Variants in EXOC4 observed in about 807,000 individuals in gnomAD.
The protein encoded by EXOC4 is SEC8-like 1.
Under a neutral mutation model 107.2 loss-of-function variants are expected in EXOC4, and 71 were observed. The ratio of observed to expected loss-of-function variants is 0.66; its 90% CI spans 0.55 to 0.81. EXOC4 has a LOEUF of 0.81. EXOC4 is among the 30% of genes least tolerant of loss of function. The pLI, the probability that EXOC4 is intolerant of heterozygous loss-of-function variation, is 0.00. For synonymous variants in EXOC4, 456 were observed against 441.2 expected (o/e 1.03, Z -0.42); for missense variants, 1,108 against 1,189.6 (o/e 0.93, Z 1.01).
At position 133,895,526 on chromosome 7, in the gene EXOC4, T is replaced by G; in HGVS notation, c.1735-73T>G. On this transcript the variant is annotated intron_variant, in intron 11 of 17. Coordinates refer to ENST00000253861, the MANE Select transcript of EXOC4 (RefSeq NM_021807.4). Reference sequence around the variant, plus strand: ...TCAGGTACCTTAAATTATGACATACTTGGAGTTGTCCTTCCTTGTCCAACA... The same window carrying G: ...TCAGGTACCTTAAATTATGACATACGTGGAGTTGTCCTTCCTTGTCCAACA... 4.2e-6 allele frequency: 6 copies of G among 1,445,354 alleles called. No individual in the cohort carries two copies. In the South Asian group the frequency reaches 7.4e-5, roughly 18 times the overall value. The allele number at this position is 1,445,354 out of a possible 1,614,324, so 89.5% of individuals were successfully genotyped here.
intron 7 of EXOC4, among the ~76,000 whole-genome samples, chr7:133,383,272 A>C (rs1669257667): frequency 6.6e-6 from 1 of 152,152 alleles, no homozygotes; most frequent in Non-Finnish European, 1.5e-5. Context: ...AAAAAATCTA[A>C]ATTTTTTTCA....
intron 9 of EXOC4, among the ~76,000 whole-genome samples, chr7:133,529,204 T>C (rs778171149): frequency 2.0e-5 from 3 of 152,194 alleles, no homozygotes; most frequent in Admixed American, 6.5e-5. Context: ...CCTTTCTCCT[T>C]CTTCTTTGCC....
At chr7:133,337,384 G>A (rs760562881) in intron 5 of EXOC4, among the ~76,000 whole-genome samples, 5 of 151,946 alleles carry the variant, frequency 3.3e-5, no homozygotes, top group Non-Finnish European at 5.9e-5. Flanking sequence ...TTTGTGTTTG[G>A]TACTGTTCAA....
chr7:133,635,505 C>T (rs539005525), intron 10 of EXOC4, among the ~76,000 whole-genome samples: 8 of 152,282 alleles, frequency 5.3e-5, no homozygotes, highest in African/African-American at 1.9e-4. Context: ...AATCTAAATG[C>T]TTGCACCTAA....
chr7:133,268,983 C>T (rs1408042221), intron 1 of EXOC4, among the ~76,000 whole-genome samples: 1 of 152,068 alleles, frequency 6.6e-6, no homozygotes, highest in East Asian at 1.9e-4. Context: ...TTATGTTCCT[C>T]CATGAACTTG....
intron 14 of EXOC4, among the ~76,000 whole-genome samples, chr7:133,991,940 C>T (rs1031943141): frequency 2.0e-5 from 3 of 152,076 alleles, no homozygotes; most frequent in Non-Finnish European, 2.9e-5. Flanking sequence ...TATTCTGGGT[C>T]GTTTGTGATT....
intron 9 of EXOC4, among the ~76,000 whole-genome samples, chr7:133,503,452 A>C (rs1174800047): frequency 1.3e-5 from 2 of 152,078 alleles, no homozygotes; most frequent in Non-Finnish European, 2.9e-5. Context: ...CCTACTATGG[A>C]TTCTCAGCTT....
At chr7:133,255,084 T>G (rs775621855) in intron 1 of EXOC4, among the ~76,000 whole-genome samples, 1 of 152,092 alleles carries the variant, frequency 6.6e-6, no homozygotes, top group Non-Finnish European at 1.5e-5. Context: ...TTATGCCAGT[T>G]TATTAATATA....
At chr7:133,277,909 G>A (rs931708328) in intron 2 of EXOC4, among the ~76,000 whole-genome samples, 1 of 152,130 alleles carries the variant, frequency 6.6e-6, no homozygotes, top group Admixed American at 6.5e-5. Context: ...GATTATATAT[G>A]AAATATAGGT....
At chr7:133,879,884 A>G (rs1156894198) in intron 11 of EXOC4, among the ~76,000 whole-genome samples, 1 of 152,324 alleles carries the variant, frequency 6.6e-6, no homozygotes, top group East Asian at 1.9e-4. Flanking sequence ...GCTTCTGTCC[A>G]GCTGCAGAAA....
At chr7:133,663,796 A>G (rs1032154900) in intron 10 of EXOC4, among the ~76,000 whole-genome samples, 12 of 152,166 alleles carry the variant, frequency 7.9e-5, no homozygotes, top group Non-Finnish European at 1.5e-5. Context: ...CTTATACTTT[A>G]TCTCTTGCTC....
intron 10 of EXOC4, among the ~76,000 whole-genome samples, chr7:133,657,930 T>C (rs182954696): frequency 2.1e-4 from 32 of 152,264 alleles, no homozygotes; most frequent in Admixed American, 2.0e-3. Context: ...AAAATAGACA[T>C]GAGTCATTCC....
rs900104159 is a variant in EXOC4, at chr7:133,517,439, A to G, written c.1417+37301A>G. ...TTCCTTCCCCCGCTCCATGTGTATT[A>G]GCTCATTTTCATGCCGCTGATAAAG... is the stretch of plus-strand genomic sequence containing the variant. On this transcript the variant is annotated intron_variant, in intron 9 of 17. Coordinates refer to ENST00000253861, the MANE Select transcript of EXOC4 (RefSeq NM_021807.4). 9.9e-5 allele frequency among the ~76,000 whole-genome samples: 15 copies of G among 152,144 alleles called. 1 individual carries two copies. Among genetic ancestry groups the G allele is most frequent in the Admixed American group, 6.6e-5 (1 of 15,262 alleles).
chr7:133,306,109 G>A (rs771235986), intron 4 of EXOC4, 48 bp downstream of exon 4: 4 of 1,448,722 alleles, frequency 2.8e-6, no homozygotes, highest in South Asian at 1.4e-5. Flanking sequence ...TGTAGGATTG[G>A]AAGGAATATT....
chr7:133,416,277 G>A (rs533443900), intron 7 of EXOC4, among the ~76,000 whole-genome samples: 47 of 152,274 alleles, frequency 3.1e-4, no homozygotes, highest in African/African-American at 1.1e-3. Context: ...ATCAAATTTG[G>A]TGTAGTACTT....
intron 10 of EXOC4, among the ~76,000 whole-genome samples, chr7:133,802,517 A>G (rs558920049): frequency 2.6e-4 from 40 of 152,230 alleles, no homozygotes; most frequent in African/African-American, 8.9e-4. Context: ...ATGAATAACT[A>G]TTGCTGAGAA....
intron 7 of EXOC4, among the ~76,000 whole-genome samples, chr7:133,457,455 A>C (rs889534762): frequency 1.3e-5 from 2 of 152,216 alleles, no homozygotes; most frequent in African/African-American, 4.8e-5. Flanking sequence ...GGGCACCAGC[A>C]AGAAGCAAGT....
At chr7:133,534,546 G>A (rs4731961) in intron 9 of EXOC4, among the ~76,000 whole-genome samples, 70,392 of 151,902 alleles carry the variant, frequency 0.46, 16,957 homozygotes, top group East Asian at 0.62. Flanking sequence ...TTGTGATGGG[G>A]CCTGATGGTT....
chr7:133,827,427 A>G (rs1797727588), intron 11 of EXOC4, among the ~76,000 whole-genome samples: 1 of 152,246 alleles, frequency 6.6e-6, no homozygotes, highest in African/African-American at 2.4e-5. Flanking sequence ...GACTTCTGTA[A>G]GTAACTTTCT....
Sources: gnomAD v4.1 joint callset for allele counts (sites outside exome capture counted in the v4.1 genomes callset) on GRCh38, gnomAD v4.1.1 for gene constraint, MANE v1.5 for transcripts, NCBI Gene and HGNC (gene_info 2026-07-23, HGNC 2026-07-21) for gene names.